MYLK: variants seen among roughly 807,000 people sequenced by gnomAD.
The protein encoded by MYLK is myosin light chain kinase.
MYLK carries 106 observed loss-of-function variants against 203.4 expected under a neutral mutation model. That is an observed-to-expected ratio of 0.52 (90% confidence interval 0.45 to 0.61). MYLK has a LOEUF of 0.61. Among genes scored for constraint, MYLK ranks in the 20% least tolerant of loss-of-function variants. The pLI is 0.00. For missense variants in MYLK, 2,072 were observed against 2,442.3 expected, an observed-to-expected ratio of 0.85 and a Z score of 3.20; for synonymous variants, 867 against 959.5, an observed-to-expected ratio of 0.90 and a Z score of 1.78.
At position 123,701,509 on chromosome 3, in the gene MYLK, C is replaced by T. The variant is rs2061224273; in HGVS notation, c.2391G>A (p.Lys797=). The part of the protein sequence containing the change: ...WHAGQYEILL[K]NRVGECSCQV... ...GGCAACTGCATTCGCCAACCCGGTT[C>T]CTGAAGAATTCCAAAGATCAATAAA... The change falls in exon 17 of 34, where the codon AAG becomes AAA. Residue 797 remains lysine (K), a splice_region_variant and synonymous_variant. Transcript: ENST00000360304. The T allele has an allele frequency of 6.2e-7, 1 of 1,613,680 alleles. No homozygotes were observed. Among genetic ancestry groups the T allele is most frequent in the African/African-American group, 1.3e-5 (1 of 74,892 alleles).
intron 2 of MYLK, among the ~76,000 whole-genome samples, chr3:123,844,489 T>A (rs1272246407): frequency 6.6e-6 from 1 of 152,200 alleles, no homozygotes; most frequent in African/African-American, 2.4e-5. Flanking sequence ...TCCTTAGTCA[T>A]GAGTTCTTAG....
At chr3:123,655,722 C>G (rs775435873) in intron 24 of MYLK, among the ~76,000 whole-genome samples, 1 of 152,224 alleles carries the variant, frequency 6.6e-6, no homozygotes, top group African/African-American at 2.4e-5. Flanking sequence ...ATTACAAGCT[C>G]TGTGACTTTG....
intron 3 of MYLK, among the ~76,000 whole-genome samples, chr3:123,819,009 ACC>A (rs1213950655): frequency 6.6e-6 from 1 of 152,110 alleles, no homozygotes; most frequent in Non-Finnish European, 1.5e-5. Flanking sequence ...CAACAGTACC[ACC>A]CTGGGCAAGG....
chr3:123,677,918 T>TATAC lies in MYLK; in HGVS notation c.3652+4305_3652+4306insGTAT, dbSNP rs1273803739. Among the ~76,000 whole-genome samples the TATAC allele has an allele frequency of 7.9e-3, 619 of 78,732 alleles. 14 individuals carry two copies. Among genetic ancestry groups the TATAC allele is most frequent in the African/African-American group, 0.029 (480 of 16,344 alleles). 51.7% of individuals were successfully genotyped at this position (78,732 alleles called of 152,430 possible). Reference sequence around the variant, plus strand: ...ATATATATATATATATATATATATATACACACACACACACACAGAGTACAT... The same window carrying TATAC: ...ATATATATATATATATATATATATATATACACACACACACACACACAGAGTACAT... On this transcript the variant is annotated intron_variant, in intron 20 of 33. Transcript: ENST00000360304.
chr3:123,733,651 T>C (rs753744592), intron 10 of MYLK, 36 bp downstream of exon 10: 3 of 1,611,876 alleles, frequency 1.9e-6, no homozygotes, highest in Non-Finnish European at 2.5e-6. Flanking sequence ...AGGGGCTACA[T>C]TTTGGCAATC....
chr3:123,752,263 A>G (rs1488692592), intron 5 of MYLK, 68 bp downstream of exon 5: 1 of 1,502,140 alleles, frequency 6.7e-7, no homozygotes, highest in Non-Finnish European at 9.3e-7. Context: ...GGGCTAAGGC[A>G]GGAGCTGCAG....
chr3:123,865,469 A>C (rs1577149124), intron 2 of MYLK, among the ~76,000 whole-genome samples: 2 of 152,216 alleles, frequency 1.3e-5, no homozygotes, highest in Non-Finnish European at 2.9e-5. Context: ...AGCAGTGCTA[A>C]GCCAGCCACA....
chr3:123,804,997 T>C (rs781705821), intron 3 of MYLK, among the ~76,000 whole-genome samples: 1 of 152,098 alleles, frequency 6.6e-6, no homozygotes, highest in East Asian at 1.9e-4. Flanking sequence ...TGGTTGCCAG[T>C]AGGATCCCAG....
chr3:123,789,676 A>AAAAAAAG (rs1560219704), intron 4 of MYLK, among the ~76,000 whole-genome samples: 1 of 145,590 alleles, frequency 6.9e-6, no homozygotes, highest in Non-Finnish European at 1.5e-5. Context: ...AAAAAAAAAA[A>AAAAAAAG]AAGAAGGAAC....
chr3:123,618,625 C>T lies in MYLK; in HGVS notation c.5500+14G>A. On this transcript the variant is annotated intron_variant, in intron 33 of 33. Transcript: ENST00000360304. ...ACCCTATTCATGGTGAAGAGAAGCA[C>T]AGCTACAACTTACCTTCAATCTTGC... 1 of 1,613,824 alleles carries T rather than the reference C, an allele frequency of 6.2e-7. No individual in the cohort carries two copies. The highest frequency in any genetic ancestry group is 8.5e-7 in the Non-Finnish European group (1 of 1,179,802).
chr3:123,805,987 T>A (rs4677905), intron 3 of MYLK, among the ~76,000 whole-genome samples: 27,695 of 152,242 alleles, frequency 0.18, 2,981 homozygotes, highest in Non-Finnish European at 0.25. Context: ...AGACTCAGGT[T>A]TCACATTTCA....
Position 123,642,470 on chromosome 3 carries a change from C to T in MYLK, c.4620-1966G>A, listed in dbSNP as rs747719961. ...GGGCCCAGCATACCACAGCCTCTGC[C>T]ACGTGACACACACACTCACTTCTGG... On this transcript the variant is annotated intron_variant, in intron 27 of 33. Transcript: ENST00000360304. The surrounding 1 kb of genome is among the most constrained non-coding windows in gnomAD (Gnocchi z 4.2). 2.0e-5 allele frequency among the ~76,000 whole-genome samples: 3 copies of T among 152,162 alleles called. No homozygotes were observed. The highest frequency in any genetic ancestry group is 4.4e-5 in the Non-Finnish European group (3 of 68,030).
intron 2 of MYLK, among the ~76,000 whole-genome samples, chr3:123,847,804 A>G (rs1274406664): frequency 6.6e-6 from 1 of 152,148 alleles, no homozygotes; most frequent in Non-Finnish European, 1.5e-5. Flanking sequence ...AATATTTCAT[A>G]AGCATTTATA....
At chr3:123,812,610 C>A (rs947597230) in intron 3 of MYLK, among the ~76,000 whole-genome samples, 5 of 152,206 alleles carry the variant, frequency 3.3e-5, no homozygotes, top group African/African-American at 1.2e-4. Context: ...GAGTTTGCCC[C>A]AACACTTGTC....
At chr3:123,631,424 T>C (rs1241094931) in intron 29 of MYLK, among the ~76,000 whole-genome samples, 2 of 147,760 alleles carry the variant, frequency 1.4e-5, no homozygotes, top group African/African-American at 5.0e-5. Flanking sequence ...GAGAGATGGG[T>C]CTGGGGCCCT....
chr3:123,644,150 T>C (rs1323293184), intron 27 of MYLK, among the ~76,000 whole-genome samples: 1 of 152,236 alleles, frequency 6.6e-6, no homozygotes, highest in Non-Finnish European at 1.5e-5. Context: ...ACATTTCCAT[T>C]ATTCTATCCC....
intron 19 of MYLK, among the ~76,000 whole-genome samples, chr3:123,683,671 G>T (rs898721771): frequency 2.6e-5 from 4 of 152,152 alleles, no homozygotes; most frequent in African/African-American, 9.7e-5. Flanking sequence ...GGCCCTGTGC[G>T]GGTGTTGCAG....
At chr3:123,699,971 T>C in intron 18 of MYLK, 49 bp downstream of exon 18, 1 of 1,612,618 alleles carries the variant, frequency 6.2e-7, no homozygotes, top group Non-Finnish European at 8.5e-7. Flanking sequence ...GAGCTAGGAG[T>C]GGCCCTGGTA....
intron 5 of MYLK, among the ~76,000 whole-genome samples, chr3:123,746,902 T>C (rs2063035785): frequency 6.6e-6 from 1 of 152,082 alleles, no homozygotes; most frequent in Admixed American, 6.5e-5. Context: ...GAAATATAAT[T>C]ATAGGTCCTT....
Sources: gnomAD v4.1 joint callset for allele counts (sites outside exome capture counted in the v4.1 genomes callset) on GRCh38, gnomAD v4.1.1 for gene constraint, Gnocchi (gnomAD v3.1) non-coding constraint, MANE v1.5 for transcripts, NCBI Gene and HGNC (gene_info 2026-07-23, HGNC 2026-07-21) for gene names.